Variants in ARAP3 observed in about 807,000 individuals in gnomAD.
ARAP3 encodes the protein ArfGAP with RhoGAP domain, ankyrin repeat and PH domain 3, also known as arf-GAP with Rho-GAP domain, ANK repeat and PH domain-containing protein 3.
In ARAP3, 82 loss-of-function variants were observed where a neutral mutation model predicts 169.2. The ratio of observed to expected loss-of-function variants is 0.48; its 90% CI spans 0.41 to 0.58. ARAP3 has a LOEUF of 0.58. ARAP3 is among the 20% of genes least tolerant of loss of function. The pLI is 0.00. For missense variants in ARAP3, 1,764 were observed against 2,018.0 expected (o/e 0.87, Z 2.41); for synonymous variants, 791 against 800.3 (o/e 0.99, Z 0.20).
rs2099910044 is a variant in ARAP3, at chr5:141,662,122, G to A, written c.2934C>T (p.Asp978=). 1 of 1,614,094 alleles carries A rather than the reference G, an allele frequency of 6.2e-7. No homozygotes were observed. The highest frequency in any genetic ancestry group is 1.3e-5 in the African/African-American group (1 of 74,918). ...GCTCACGAAAGAAGCGTTTGAGTGTGTCAGTGACATCCTCCACAAAGTGCT... is the reference window on the plus strand; with the variant it reads ...GCTCACGAAAGAAGCGTTTGAGTGTATCAGTGACATCCTCCACAAAGTGCT... ...PGEHFVEDVT[D]TLKRFFRELD... Residue 978 remains aspartate, a synonymous_variant, in exon 20 of 33, where the codon GAC becomes GAT. Coordinates refer to ENST00000239440, the MANE Select transcript of ARAP3 (RefSeq NM_022481.6).
chr5:141,664,327 T>A (rs748483692), intron 19 of ARAP3, among the ~76,000 whole-genome samples: 8 of 152,130 alleles, frequency 5.3e-5, no homozygotes, highest in Admixed American at 3.3e-4. Context: ...GAGGTTGCAG[T>A]GAGCTGAGAT....
In ARAP3 at chr5:141,659,830, G is replaced by A. The variant is rs184163620; in HGVS notation, c.3216C>T (p.His1072=). ...TGAGCTCTTGCAGCACTCGCACCTCGTGCTCCCCTCGCCCATCCGTCTGGA... is the reference window on the plus strand; with the variant it reads ...TGAGCTCTTGCAGCACTCGCACCTCATGCTCCCCTCGCCCATCCGTCTGGA... ...SVFQTDGRGE[H]EVRVLQELID... is the part of the protein sequence containing the mutation. The change falls in exon 22 of 33, where the codon CAC becomes CAT. Residue 1072 remains histidine, a synonymous_variant. Transcript: ENST00000239440. 40 of 1,611,398 alleles carry A rather than the reference G, an allele frequency of 2.5e-5. No individual in the cohort carries two copies. Among genetic ancestry groups the A allele is most frequent in the African/African-American group, 1.1e-4 (8 of 75,028 alleles).
intron 16 of ARAP3, among the ~76,000 whole-genome samples, chr5:141,667,212 C>A (rs920285514): frequency 1.3e-4 from 20 of 152,076 alleles, no homozygotes; most frequent in African/African-American, 4.6e-4. Context: ...CATACTCATT[C>A]TTTATAGCCA....
intron 4 of ARAP3, among the ~76,000 whole-genome samples, chr5:141,678,505 T>C (rs1012108145): frequency 2.0e-5 from 3 of 152,088 alleles, no homozygotes; most frequent in Admixed American, 6.5e-5. Flanking sequence ...TAACTGTAAA[T>C]GAAAAATTGC....
chr5:141,670,637 G>C lies in ARAP3; in HGVS notation c.1991-9C>G, dbSNP rs1275359362. On this transcript the variant is annotated splice_polypyrimidine_tract_variant and intron_variant, in intron 13 of 32. Transcript: ENST00000239440. ...CACACCAGGGGAGGGGTCTGCAAGG[G>C]GAAGGGGAAGTAGTCAGGTCAACCA... 6.2e-7 allele frequency: 1 copy of C among 1,611,918 alleles called. No individual in the cohort carries two copies. The highest frequency in any genetic ancestry group is 8.5e-7 in the Non-Finnish European group (1 of 1,178,088).
Position 141,672,508 on chromosome 5 carries a change from C to A in ARAP3, c.1385+44G>T, listed in dbSNP as rs769534599. On this transcript the variant is annotated intron_variant, in intron 9 of 32. Transcript: ENST00000239440. The surrounding 1 kb of genome is among the most constrained non-coding windows in gnomAD (Gnocchi z 4.9). ...TAGTCCTCTGCACCCTTGTGCCTCC[C>A]GCAAAAGTCCCCCAGCCTTGCCTCC... 7.5e-6 allele frequency: 12 copies of A among 1,604,542 alleles called. No individual in the cohort carries two copies. Among genetic ancestry groups the A allele is most frequent in the Non-Finnish European group, 1.0e-5 (12 of 1,174,900 alleles).
At chr5:141,664,870 T>TCCC in intron 19 of ARAP3, 52 bp downstream of exon 19, 1 of 345,734 alleles carries the variant, frequency 2.9e-6, no homozygotes, top group Non-Finnish European at 5.7e-6. Flanking sequence ...CACCCCCTCA[T>TCCC]CACCCCCACC....
At chr5:141,677,360 T>G (rs536252749) in intron 4 of ARAP3, among the ~76,000 whole-genome samples, 2 of 152,334 alleles carry the variant, frequency 1.3e-5, no homozygotes, top group East Asian at 3.9e-4. Flanking sequence ...TTATTGTGCA[T>G]CTCAAAGGAT....
intron 17 of ARAP3, 83 bp from the exon 18 acceptor site, chr5:141,665,457 G>A: frequency 6.9e-7 from 1 of 1,441,244 alleles, no homozygotes; most frequent in Non-Finnish European, 9.7e-7. Flanking sequence ...AACGTGCATA[G>A]ATGCCAGGCT....
At chr5:141,669,357 G>A (rs529267988) in intron 16 of ARAP3, among the ~76,000 whole-genome samples, 10 of 152,332 alleles carry the variant, frequency 6.6e-5, no homozygotes, top group Non-Finnish European at 1.3e-4. Flanking sequence ...CAGCTTCTTC[G>A]TGGGAGGAGG....
intron 19 of ARAP3, among the ~76,000 whole-genome samples, 185 bp from the exon 20 acceptor site, chr5:141,662,440 C>T (rs892022143): frequency 6.6e-5 from 10 of 152,190 alleles, no homozygotes; most frequent in African/African-American, 2.4e-4. Context: ...TCAGAAAGTC[C>T]TTCCCTGACC....
At chr5:141,670,326 A>C (rs2099911248) in intron 14 of ARAP3, among the ~76,000 whole-genome samples, 186 bp downstream of exon 14, 2 of 152,084 alleles carry the variant, frequency 1.3e-5, no homozygotes, top group Non-Finnish European at 2.9e-5. Context: ...TTCAGAACAG[A>C]TGCTCTTAAC....
At chr5:141,657,563 G>A (rs1183782805) in intron 25 of ARAP3, among the ~76,000 whole-genome samples, 1 of 152,254 alleles carries the variant, frequency 6.6e-6, no homozygotes. Flanking sequence ...ACATTGTCCA[G>A]CTATCCCCTT....
At position 141,673,894 on chromosome 5, in the gene ARAP3, A is replaced by G. The variant is rs2099911785; in HGVS notation, c.699-86T>C. The G allele has an allele frequency of 2.5e-6, 3 of 1,205,138 alleles. No individual in the cohort carries two copies. In the Admixed American group the frequency reaches 7.7e-5, roughly 31 times the overall value. The allele number at this position is 1,205,138 out of a possible 1,614,324, so 74.7% of individuals were successfully genotyped here. A position where few individuals can be genotyped will look rare whatever the true frequency, so the allele number is the denominator to read the frequency against. On this transcript the variant is annotated intron_variant, in intron 4 of 32. Coordinates refer to ENST00000239440, the MANE Select transcript of ARAP3 (RefSeq NM_022481.6). The stretch of plus-strand genomic sequence containing the variant: ...GTACTTTCTCCATCCTACTCACATC[A>G]CCTAAGAATAGAATGCCTGGCAGGT...
At chr5:141,674,712 G>A (rs1248516928) in intron 4 of ARAP3, among the ~76,000 whole-genome samples, 1 of 152,168 alleles carries the variant, frequency 6.6e-6, no homozygotes, top group Admixed American at 6.5e-5. Context: ...ACGGGGAAGG[G>A]CTGTGTAGAT....
At chr5:141,658,721 T>C (rs1430013974) in intron 23 of ARAP3, 68 bp from the exon 24 acceptor site, 3 of 1,375,640 alleles carry the variant, frequency 2.2e-6, no homozygotes, top group African/African-American at 2.9e-5. Flanking sequence ...GTCAGAGGGT[T>C]CCTCGTGTTG....
chr5:141,663,344 G>C (rs146635567), intron 19 of ARAP3, among the ~76,000 whole-genome samples: 19 of 152,208 alleles, frequency 1.2e-4, no homozygotes, highest in African/African-American at 4.6e-4. Context: ...TTCACCCGGG[G>C]TGGAGTGAAG....
chr5:141,654,187 AG>A lies in ARAP3; in HGVS notation c.4397del (p.Pro1466LeufsTer16). ...LGQEERPPEP[P>X]PGPPSKSSPQ... ...GACTGCTCTTTGAAGGGGGGCCTGG[AG>A]GGGGCTCAGGTGGCCTCTCCTCCTG... On this transcript the variant is annotated frameshift_variant, in exon 33 of 33. Transcript: ENST00000239440. LOFTEE classifies it high-confidence loss of function. 2 of 1,613,840 alleles carry A rather than the reference AG, an allele frequency of 1.2e-6. No homozygotes were observed. The highest frequency in any genetic ancestry group is 1.7e-6 in the Non-Finnish European group (2 of 1,179,880).
Position 141,665,018 on chromosome 5 carries a change from C to T in ARAP3, c.2704G>A (p.Ala902Thr). 3 of 1,614,036 alleles carry T rather than the reference C, an allele frequency of 1.9e-6. No individual in the cohort carries two copies. Among genetic ancestry groups the T allele is most frequent in the Non-Finnish European group, 2.5e-6 (3 of 1,180,000 alleles). ...TGCAGCCCTGTGCCGCCCCCACCAG[C>T]CGCGCCCCCAATGGCTGCGTTCCAT... Reference protein sequence around the residue: ...TAWNAAIGGAAGGGGTGLQEQ... With the variant: ...TAWNAAIGGATGGGGTGLQEQ... Residue 902 changes from alanine to threonine, a missense_variant, in exon 19 of 33, where the codon GCT (alanine) becomes ACT (threonine). Ala to Thr is a moderately conservative substitution (Grantham distance 58). Around this residue, in one of 3 missense-constraint regions of ARAP3, gnomAD observed 1,112 missense variants for 1,285.7 expected, o/e 0.86. Coordinates refer to ENST00000239440, the MANE Select transcript of ARAP3 (RefSeq NM_022481.6).
Sources: allele counts gnomAD v4.1 joint callset (sites outside exome capture counted in the v4.1 genomes callset), GRCh38; gene constraint gnomAD v4.1.1; regional missense constraint gnomAD v4.1.1; non-coding constraint Gnocchi (gnomAD v3.1); transcripts MANE v1.5; gene names NCBI Gene and HGNC (gene_info 2026-07-23, HGNC 2026-07-21).